The following SNTG1 variants were observed in gnomAD, a reference collection of about 807,000 sequenced individuals.
SNTG1 encodes gamma-1-syntrophin.
In SNTG1, 39 loss-of-function variants were observed where a neutral mutation model predicts 74.7. The observed-to-expected ratio is 0.52, with a 90% CI of 0.40 to 0.68. The LOEUF (loss-of-function observed/expected upper bound fraction) is 0.68, where lower values mean the gene tolerates loss of function less well. Among genes scored for constraint, SNTG1 ranks in the 30% least tolerant of loss-of-function variants. The probability of loss-of-function intolerance (pLI) is 0.00; values close to 1 mark genes in which losing one functional copy is unlikely to be tolerated. For synonymous variants in SNTG1, 254 were observed against 217.1 expected, an observed-to-expected ratio of 1.17 and a Z score of -1.49; for missense variants, 685 against 609.5, an observed-to-expected ratio of 1.12 and a Z score of -1.30.
intron 8 of SNTG1, among the ~76,000 whole-genome samples, chr8:50,456,565 TA>T (rs1214690019): frequency 8.5e-5 from 13 of 152,150 alleles, no homozygotes; most frequent in Admixed American, 3.9e-4. Context: ...AAGGGCCAAG[TA>T]GCTCTCTGAA....
At chr8:49,998,481 C>T (rs1814442777) in intron 1 of SNTG1, among the ~76,000 whole-genome samples, 1 of 152,020 alleles carries the variant, frequency 6.6e-6, no homozygotes, top group African/African-American at 2.4e-5. Context: ...CACACAGACA[C>T]ATTATAAAAC....
intron 13 of SNTG1, among the ~76,000 whole-genome samples, chr8:50,607,257 A>G (rs2094819419): frequency 6.6e-6 from 1 of 151,840 alleles, no homozygotes; most frequent in Admixed American, 6.6e-5. Context: ...ACGCTTCCTA[A>G]ATTTTCTGGA....
intron 4 of SNTG1, among the ~76,000 whole-genome samples, chr8:50,420,167 TATTCTGG>T (rs1311394959): frequency 1.3e-5 from 2 of 152,166 alleles, no homozygotes; most frequent in Non-Finnish European, 2.9e-5. Context: ...TGAATTTATG[TATTCTGG>T]AAATGGAGCA....
At chr8:50,587,479 A>G (rs2094657905) in intron 12 of SNTG1, among the ~76,000 whole-genome samples, 1 of 152,086 alleles carries the variant, frequency 6.6e-6, no homozygotes, top group African/African-American at 2.4e-5. Flanking sequence ...TGATTTTTCC[A>G]CTTACTTTAT....
intron 11 of SNTG1, among the ~76,000 whole-genome samples, chr8:50,552,312 C>T (rs2094431775): frequency 6.6e-6 from 1 of 152,148 alleles, no homozygotes; most frequent in South Asian, 2.1e-4. Context: ...CTTTTAAATT[C>T]AATAGCACTT....
At chr8:50,250,545 G>C (rs1052614217) in intron 2 of SNTG1, among the ~76,000 whole-genome samples, 2 of 152,014 alleles carry the variant, frequency 1.3e-5, no homozygotes, top group Non-Finnish European at 2.9e-5. Context: ...TAAAGACAAA[G>C]AATTCTAAAA....
At chr8:50,763,861 A>G (rs1175690296) in intron 18 of SNTG1, among the ~76,000 whole-genome samples, 1 of 3,160 alleles carries the variant, frequency 3.2e-4, no homozygotes, top group African/African-American at 8.0e-4. Flanking sequence ...ACAGAAACAC[A>G]CACACACACA....
At chr8:50,349,331 G>A (rs1405459014) in intron 2 of SNTG1, among the ~76,000 whole-genome samples, 1 of 152,110 alleles carries the variant, frequency 6.6e-6, no homozygotes, top group Non-Finnish European at 1.5e-5. Flanking sequence ...AGTCTAGTAG[G>A]ACAAATTTGC....
At chr8:50,101,708 C>G (rs1168927474) in intron 1 of SNTG1, among the ~76,000 whole-genome samples, 4 of 151,830 alleles carry the variant, frequency 2.6e-5, no homozygotes, top group East Asian at 1.9e-4. Flanking sequence ...TCCCTCCCCC[C>G]TCCTCCCACC....
At chr8:50,582,891 G>A (rs796169981) in intron 12 of SNTG1, among the ~76,000 whole-genome samples, 5 of 152,154 alleles carry the variant, frequency 3.3e-5, no homozygotes, top group African/African-American at 1.2e-4. Flanking sequence ...GAATTCCCAA[G>A]CTCAAAGAGC....
chr8:50,083,226 C>T (rs1037406624), intron 1 of SNTG1, among the ~76,000 whole-genome samples: 2 of 152,092 alleles, frequency 1.3e-5, no homozygotes, highest in Non-Finnish European at 2.9e-5. Context: ...TTTGTTAAAT[C>T]CCAGAGCTCT....
chr8:50,103,036 G>C (rs376145624), intron 1 of SNTG1, among the ~76,000 whole-genome samples: 2,082 of 151,552 alleles, frequency 0.014, 20 homozygotes, highest in Non-Finnish European at 0.022. Context: ...TTGACTTGGC[G>C]ATGCGGGCTC....
At chr8:50,461,293 G>C (rs1413485168) in intron 8 of SNTG1, among the ~76,000 whole-genome samples, 3 of 151,556 alleles carry the variant, frequency 2.0e-5, no homozygotes, top group Admixed American at 6.6e-5. Flanking sequence ...AAAACTACCA[G>C]CATGACTTAT....
intron 2 of SNTG1, among the ~76,000 whole-genome samples, chr8:50,358,952 G>T (rs1214083953): frequency 6.6e-6 from 1 of 152,164 alleles, no homozygotes; most frequent in African/African-American, 2.4e-5. Context: ...TGTTATGGGA[G>T]ACATGCATAC....
chr8:50,115,626 T>C (rs1393432070), intron 1 of SNTG1, among the ~76,000 whole-genome samples: 1 of 147,418 alleles, frequency 6.8e-6, no homozygotes, highest in Non-Finnish European at 1.5e-5. Context: ...GTTGCTATGA[T>C]ACTCTGCAGT....
chr8:49,919,385 G>A (rs527541429), intron 1 of SNTG1, among the ~76,000 whole-genome samples: 19 of 152,162 alleles, frequency 1.2e-4, no homozygotes, highest in Middle Eastern at 3.4e-3. Flanking sequence ...GCATAGTGCA[G>A]TTTTCAGTGA....
chr8:50,496,107 A>G (rs1349805613), intron 8 of SNTG1, among the ~76,000 whole-genome samples: 1 of 152,218 alleles, frequency 6.6e-6, no homozygotes. Flanking sequence ...GACCTGTTTC[A>G]AAATCAACCC....
intron 18 of SNTG1, among the ~76,000 whole-genome samples, chr8:50,784,911 CAT>C (rs1441621375): frequency 6.6e-6 from 1 of 151,836 alleles, no homozygotes; most frequent in Non-Finnish European, 1.5e-5. Context: ...ACAATTGAAA[CAT>C]ATGCAAATAT....
intron 9 of SNTG1, among the ~76,000 whole-genome samples, chr8:50,518,786 C>A (rs1312897135): frequency 1.3e-5 from 2 of 152,128 alleles, no homozygotes; most frequent in Non-Finnish European, 2.9e-5. Context: ...AGGCCAATAA[C>A]AAGTTCTGAA....
Sources: allele counts gnomAD v4.1 joint callset (sites outside exome capture counted in the v4.1 genomes callset), GRCh38; gene constraint gnomAD v4.1.1; transcripts MANE v1.5; gene names NCBI Gene and HGNC (gene_info 2026-07-23, HGNC 2026-07-21).